ASIC2: variants seen among roughly 807,000 people sequenced by gnomAD.
ASIC2 encodes the protein acid sensing ion channel subunit 2, also known as acid-sensing ion channel 2.
In ASIC2, 25 loss-of-function variants were observed where a neutral mutation model predicts 57.3. The ratio of observed to expected loss-of-function variants is 0.44; its 90% CI spans 0.32 to 0.61. The LOEUF (loss-of-function observed/expected upper bound fraction) is 0.61. ASIC2 is among the 20% of genes least tolerant of loss of function. The pLI is 0.06. For missense variants in ASIC2, 641 were observed against 738.1 expected, an observed-to-expected ratio of 0.87 and a Z score of 1.52; for synonymous variants, 319 against 307.5, an observed-to-expected ratio of 1.04 and a Z score of -0.39.
At position 33,942,631 on chromosome 17, in the gene ASIC2, A is replaced by G. The variant is rs149784837; in HGVS notation, c.555+213347T>C. Among the ~76,000 whole-genome samples, 97 of 152,270 alleles carry G rather than the reference A, an allele frequency of 6.4e-4. 1 individual carries two copies. Among genetic ancestry groups the G allele is most frequent in the Middle Eastern group, 6.8e-3 (2 of 294 alleles). The stretch of plus-strand genomic sequence containing the variant: ...GGTGAGTCATCTCTCAGTGATAATC[A>G]CTATGGAAACGAGTGGCAGAGACAA... On this transcript the variant is annotated intron_variant, in intron 1 of 9. Coordinates refer to the ASIC2 transcript ENST00000359872.
intron 1 of ASIC2, among the ~76,000 whole-genome samples, chr17:33,837,449 A>T (rs1913306765): frequency 6.6e-6 from 1 of 152,236 alleles, no homozygotes; most frequent in South Asian, 2.1e-4. Flanking sequence ...AATAGTGCTC[A>T]CTGTAATTTA....
intron 1 of ASIC2, among the ~76,000 whole-genome samples, chr17:33,748,726 TCTAGAACTCCA>T (rs1320617953): frequency 2.0e-5 from 3 of 152,328 alleles, no homozygotes; most frequent in Non-Finnish European, 1.5e-5. Context: ...GCCTTACGGC[TCTAGAACTCCA>T]GGATGATAAA....
At chr17:33,281,882 T>C (rs1291891604) in intron 1 of ASIC2, among the ~76,000 whole-genome samples, 1 of 152,180 alleles carries the variant, frequency 6.6e-6, no homozygotes, top group African/African-American at 2.4e-5. Context: ...AAGCTGGGAT[T>C]TGAACTTGAG....
intron 1 of ASIC2, among the ~76,000 whole-genome samples, chr17:33,189,359 A>G (rs753331862): frequency 6.6e-6 from 1 of 152,218 alleles, no homozygotes; most frequent in Non-Finnish European, 1.5e-5. Context: ...CAACGGAATC[A>G]TAAAAAATAG....
intron 1 of ASIC2, chr17:34,038,924 G>C: frequency 6.2e-7 from 1 of 1,612,678 alleles, no homozygotes; most frequent in Non-Finnish European, 8.5e-7. Context: ...ATTCTGAAAA[G>C]CATAACCATC....
chr17:33,872,965 G>A lies in ASIC2; in HGVS notation c.555+283013C>T, dbSNP rs566707207. Among the ~76,000 whole-genome samples the A allele has an allele frequency of 1.2e-4, 18 of 152,250 alleles. 1 individual carries two copies. The East Asian group carries it at 3.3e-3, about 28-fold the overall frequency. Reference sequence around the variant, plus strand: ...GCAAGGGGAAAGGTGGGGACTGAAGGCAGAAGCAGGAAAACTAGACCAAGA... The same window carrying A: ...GCAAGGGGAAAGGTGGGGACTGAAGACAGAAGCAGGAAAACTAGACCAAGA... On this transcript the variant is annotated intron_variant, in intron 1 of 9. Coordinates refer to the ASIC2 transcript ENST00000359872.
chr17:33,960,180 A>G (rs991526554), intron 1 of ASIC2, among the ~76,000 whole-genome samples: 2 of 152,180 alleles, frequency 1.3e-5, no homozygotes, highest in Admixed American at 6.5e-5. Flanking sequence ...TCGTGTGGAA[A>G]CTGCTGCAGT....
At chr17:33,875,847 T>C (rs921896438) in intron 1 of ASIC2, among the ~76,000 whole-genome samples, 1 of 151,886 alleles carries the variant, frequency 6.6e-6, no homozygotes, top group African/African-American at 2.4e-5. Context: ...TAAGAGTGAG[T>C]GCTATAATCC....
intron 1 of ASIC2, among the ~76,000 whole-genome samples, chr17:33,682,675 T>G (rs190707011): frequency 4.6e-5 from 7 of 152,228 alleles, no homozygotes; most frequent in Admixed American, 1.3e-4. Context: ...ACCTTTAATG[T>G]TTAATTAAGA....
At chr17:33,430,651 C>A (rs936962182) in intron 1 of ASIC2, among the ~76,000 whole-genome samples, 3 of 152,188 alleles carry the variant, frequency 2.0e-5, no homozygotes, top group African/African-American at 7.2e-5. Flanking sequence ...TCAGTTCCAA[C>A]CTGCAGCTGC....
intron 1 of ASIC2, among the ~76,000 whole-genome samples, chr17:33,939,240 T>A (rs1256948900): frequency 6.6e-6 from 1 of 152,116 alleles, no homozygotes; most frequent in Non-Finnish European, 1.5e-5. Context: ...CAATATAGAG[T>A]CATGCCATGA....
chr17:33,579,476 T>C (rs1413707096), intron 1 of ASIC2, among the ~76,000 whole-genome samples: 2 of 152,084 alleles, frequency 1.3e-5, no homozygotes, highest in African/African-American at 2.4e-5. Flanking sequence ...TCAACATTCA[T>C]TGAGAATCAC....
chr17:33,146,707 C>A, intron 1 of ASIC2, among the ~76,000 whole-genome samples: 1 of 152,230 alleles, frequency 6.6e-6, no homozygotes, highest in South Asian at 2.1e-4. Flanking sequence ...AGCATCACAC[C>A]TGTGTCCTCA....
intron 1 of ASIC2, among the ~76,000 whole-genome samples, chr17:34,041,623 C>A (rs114522822): frequency 1.3e-5 from 2 of 152,196 alleles, no homozygotes. Context: ...AATACTATAA[C>A]AAATGTAGAA....
intron 1 of ASIC2, among the ~76,000 whole-genome samples, chr17:33,167,501 C>T (rs1228224685): frequency 2.6e-5 from 4 of 152,206 alleles, no homozygotes; most frequent in African/African-American, 7.2e-5. Flanking sequence ...ACCCCCCACC[C>T]GGTTCCCTTC....
At chr17:33,579,059 G>C (rs536798907) in intron 1 of ASIC2, among the ~76,000 whole-genome samples, 1 of 152,096 alleles carries the variant, frequency 6.6e-6, no homozygotes, top group African/African-American at 2.4e-5. Context: ...GTCGAAGCGG[G>C]TGGATCACTT....
chr17:33,749,407 G>A (rs768792604), intron 1 of ASIC2, among the ~76,000 whole-genome samples: 1 of 151,920 alleles, frequency 6.6e-6, no homozygotes. Context: ...GCAGGTGGGG[G>A]CTCCTCGGAC....
At chr17:33,464,149 C>T (rs1299450844) in intron 1 of ASIC2, among the ~76,000 whole-genome samples, 2 of 152,196 alleles carry the variant, frequency 1.3e-5, no homozygotes, top group African/African-American at 4.8e-5. Context: ...CTGAGACCTG[C>T]CTTTCCTCTT....
chr17:33,400,818 C>T (rs1157705164), intron 1 of ASIC2, among the ~76,000 whole-genome samples: 2 of 152,250 alleles, frequency 1.3e-5, no homozygotes, highest in African/African-American at 4.8e-5. Flanking sequence ...TCCCTGCCAC[C>T]CCTGCCACCC....
Sources: allele counts gnomAD v4.1 joint callset (sites outside exome capture counted in the v4.1 genomes callset), GRCh38; gene constraint gnomAD v4.1.1; transcripts MANE v1.5; gene names NCBI Gene and HGNC (gene_info 2026-07-23, HGNC 2026-07-21).